Variants in RGS6 observed in about 807,000 individuals in gnomAD.
The protein encoded by RGS6 is regulator of G protein signaling 6.
RGS6 carries 30 observed loss-of-function variants against 78.5 expected under a neutral mutation model. That is an observed-to-expected ratio of 0.38 (90% CI 0.29 to 0.52). The LOEUF is 0.52. RGS6 is among the 20% of genes least tolerant of loss of function. The pLI, the probability that RGS6 is intolerant of heterozygous loss-of-function variation, is 0.85. For synonymous variants in RGS6, 206 were observed against 206.0 expected (o/e 1.00, Z 0.00); for missense variants, 495 against 609.7 (o/e 0.81, Z 1.98).
chr14:72,612,701 T>A, the RGS6 span: 1 of 471,564 alleles, frequency 2.1e-6, no homozygotes, highest in Non-Finnish European at 4.3e-6. Flanking sequence ...ATAAAAGCTT[T>A]GCATCCCTTT....
intron 2 of RGS6, among the ~76,000 whole-genome samples, chr14:72,338,029 C>T (rs893163681): frequency 2.6e-5 from 4 of 152,202 alleles, no homozygotes; most frequent in Admixed American, 2.0e-4. Context: ...AGTTTAAAAA[C>T]ACCTTTGCCT....
the RGS6 span, among the ~76,000 whole-genome samples, chr14:72,619,717 C>T: frequency 1.3e-5 from 2 of 152,188 alleles, no homozygotes; most frequent in East Asian, 1.9e-4. Context: ...TTGGACTGTG[C>T]CTCAGTTTCC....
intron 2 of RGS6, among the ~76,000 whole-genome samples, chr14:72,316,729 C>T (rs1439160261): frequency 6.6e-6 from 1 of 152,168 alleles, no homozygotes; most frequent in Non-Finnish European, 1.5e-5. Context: ...CCTTATTACA[C>T]AAGAATAATC....
At chr14:71,905,001 A>G in the RGS6 span, among the ~76,000 whole-genome samples, 18 of 150,836 alleles carry the variant, frequency 1.2e-4, no homozygotes, top group African/African-American at 4.4e-4. Flanking sequence ...TGGGCCACAT[A>G]CCACAAGGGT....
At chr14:72,622,356 C>T in the RGS6 span, among the ~76,000 whole-genome samples, 2 of 152,212 alleles carry the variant, frequency 1.3e-5, no homozygotes, top group East Asian at 1.9e-4. Context: ...GACGAGCACA[C>T]TGTAGTTTAC....
downstream of RGS6, among the ~76,000 whole-genome samples, chr14:72,567,137 T>C (rs1318771205): frequency 6.6e-6 from 1 of 152,208 alleles, no homozygotes; most frequent in African/African-American, 2.4e-5. Flanking sequence ...GCAGAAATTT[T>C]GCTCCTAAAG....
At chr14:72,292,130 C>T (rs2063697357) in intron 2 of RGS6, among the ~76,000 whole-genome samples, 1 of 152,212 alleles carries the variant, frequency 6.6e-6, no homozygotes, top group African/African-American at 2.4e-5. Context: ...CTCACACTGA[C>T]AGCCGCAGAG....
chr14:72,418,395 G>T (rs527865854), intron 3 of RGS6, among the ~76,000 whole-genome samples: 1 of 152,152 alleles, frequency 6.6e-6, no homozygotes, highest in African/African-American at 2.4e-5. Context: ...TCAAACTCCT[G>T]ACCTCAAGCA....
intron 15 of RGS6, 115 bp downstream of exon 15, chr14:72,518,652 T>C: frequency 9.9e-7 from 1 of 1,012,880 alleles, no homozygotes; most frequent in Non-Finnish European, 1.4e-6. Context: ...GATTTGGTTA[T>C]TTTTAAGTTC....
At chr14:72,559,364 T>G (rs563054509) in intron 17 of RGS6, among the ~76,000 whole-genome samples, 1 of 152,294 alleles carries the variant, frequency 6.6e-6, no homozygotes, top group African/African-American at 2.4e-5. Flanking sequence ...GCTGAGCAAG[T>G]GTGATTGCAG....
the RGS6 span, among the ~76,000 whole-genome samples, chr14:71,905,114 G>C: frequency 4.6e-4 from 70 of 152,294 alleles, no homozygotes; most frequent in Middle Eastern, 3.4e-3. Context: ...ATTGCTTTCT[G>C]CTGTTCCTCA....
chr14:72,351,114 A>G (rs1596135207), intron 2 of RGS6, among the ~76,000 whole-genome samples: 1 of 152,184 alleles, frequency 6.6e-6, no homozygotes, highest in South Asian at 2.1e-4. Flanking sequence ...GTGAGCCTCT[A>G]TTAAGAACTC....
chr14:72,534,813 G>A (rs1357656240), intron 15 of RGS6, among the ~76,000 whole-genome samples: 1 of 152,078 alleles, frequency 6.6e-6, no homozygotes, highest in Non-Finnish European at 1.5e-5. Flanking sequence ...GGTCCTTAAT[G>A]ACCAGTCCTG....
At chr14:72,339,762 C>G (rs982223219) in intron 2 of RGS6, among the ~76,000 whole-genome samples, 2 of 152,014 alleles carry the variant, frequency 1.3e-5, no homozygotes, top group Non-Finnish European at 2.9e-5. Context: ...CTGGTGTGTT[C>G]GGAGGCAGCA....
At chr14:71,902,987 C>A in the RGS6 span, among the ~76,000 whole-genome samples, 3 of 152,210 alleles carry the variant, frequency 2.0e-5, no homozygotes, top group African/African-American at 7.2e-5. Context: ...GGTTTCCTGA[C>A]TCATTGGATA....
At chr14:71,871,960 A>G in the RGS6 span, among the ~76,000 whole-genome samples, 4 of 141,716 alleles carry the variant, frequency 2.8e-5, no homozygotes, top group African/African-American at 1.0e-4. Flanking sequence ...TTTGAGCTCA[A>G]TGTGTATGGG....
intron 2 of RGS6, among the ~76,000 whole-genome samples, chr14:72,228,329 C>T (rs2048645897): frequency 6.6e-6 from 1 of 151,714 alleles, no homozygotes; most frequent in African/African-American, 2.4e-5. Context: ...TGCAGTGAGT[C>T]GAGATTGCAC....
chr14:72,318,603 G>A (rs79550017), intron 2 of RGS6, among the ~76,000 whole-genome samples: 2,545 of 152,278 alleles, frequency 0.017, 81 homozygotes, highest in African/African-American at 0.057. Context: ...GCAGTGGAAC[G>A]AAAGCTCAGG....
At chr14:71,972,416 A>G (rs1454146784) in intron 2 of RGS6, among the ~76,000 whole-genome samples, 1 of 152,034 alleles carries the variant, frequency 6.6e-6, no homozygotes, top group Non-Finnish European at 1.5e-5. Context: ...CATTTTCCTT[A>G]AATTGTCCTA....
Sources: allele counts gnomAD v4.1 joint callset (sites outside exome capture counted in the v4.1 genomes callset), GRCh38; gene constraint gnomAD v4.1.1; transcripts MANE v1.5; gene names NCBI Gene and HGNC (gene_info 2026-07-23, HGNC 2026-07-21).